Variants in KIF15 observed in about 807,000 individuals in gnomAD.
The protein encoded by KIF15 is kinesin-like protein KIF15.
A neutral mutation model predicts 190.6 loss-of-function variants in KIF15; 140 were observed. The ratio of observed to expected loss-of-function variants is 0.73; its 90% CI spans 0.64 to 0.84. The LOEUF (loss-of-function observed/expected upper bound fraction) is 0.84. Among genes scored for constraint, KIF15 ranks in the 40% least tolerant of loss-of-function variants. The pLI is 0.00. For missense variants in KIF15, 1,372 were observed against 1,584.4 expected (o/e 0.87, Z 2.28); for synonymous variants, 528 against 551.3 (o/e 0.96, Z 0.59).
chr3:44,843,863 A>G (rs766751085), intron 30 of KIF15, among the ~76,000 whole-genome samples: 5 of 152,254 alleles, frequency 3.3e-5, no homozygotes, highest in African/African-American at 4.8e-5. Context: ...AATAAAATGA[A>G]GAAAATGTTC....
intron 20 of KIF15, among the ~76,000 whole-genome samples, chr3:44,820,275 C>T (rs146190759): frequency 0.019 from 2,798 of 150,032 alleles, 74 homozygotes; most frequent in African/African-American, 0.063. Flanking sequence ...TGAATTTGAT[C>T]CTGTCATTAT....
chr3:44,829,418 T>C (rs186509219), intron 24 of KIF15, among the ~76,000 whole-genome samples: 1,413 of 140,406 alleles, frequency 0.01, 24 homozygotes, highest in African/African-American at 0.034. Flanking sequence ...ATATTACATA[T>C]GTATATATAA....
intron 21 of KIF15, 46 bp downstream of exon 21, chr3:44,826,235 T>C: frequency 6.4e-7 from 1 of 1,559,810 alleles, no homozygotes; most frequent in Non-Finnish European, 8.6e-7. Context: ...GACTGTCCTT[T>C]TGAGTGTAGG....
At chr3:44,762,483 C>T (rs559549660) in intron 1 of KIF15, among the ~76,000 whole-genome samples, 1 of 152,234 alleles carries the variant, frequency 6.6e-6, no homozygotes, top group African/African-American at 2.4e-5. Context: ...TATGATAAAC[C>T]CTACAGTTTT....
intron 19 of KIF15, among the ~76,000 whole-genome samples, chr3:44,813,870 G>A (rs776596174): frequency 9.9e-5 from 15 of 151,976 alleles, no homozygotes; most frequent in African/African-American, 2.9e-4. Context: ...CACCCACCTC[G>A]GCCTCCCAAA....
chr3:44,831,679 GT>G (rs1464574175), intron 26 of KIF15, among the ~76,000 whole-genome samples: 2 of 152,070 alleles, frequency 1.3e-5, no homozygotes, highest in African/African-American at 2.4e-5. Flanking sequence ...TTTTTTTGTT[GT>G]TGATGATGTG....
chr3:44,775,563 C>G, intron 3 of KIF15, 126 bp downstream of exon 3: 1 of 633,884 alleles, frequency 1.6e-6, no homozygotes, highest in East Asian at 2.8e-5. Flanking sequence ...TCAAGTGATT[C>G]TCCTGCCTCA....
At chr3:44,796,151 C>G (rs1243985479) in intron 8 of KIF15, among the ~76,000 whole-genome samples, 1 of 152,228 alleles carries the variant, frequency 6.6e-6, no homozygotes, top group East Asian at 1.9e-4. Context: ...GCGTTAGCCA[C>G]CACGCCCAGC....
rs973087676 is a variant in KIF15 at position 44,787,082 on chromosome 3, A to G, written c.639+508A>G. ...TATTATGAAGCATTTGACACATATG[A>G]AATATTGCCACAAGCATGTAAGTTA... On this transcript the variant is annotated intron_variant, in intron 7 of 34. Transcript: ENST00000326047. Among the ~76,000 whole-genome samples the G allele has an allele frequency of 2.0e-4, 31 of 152,334 alleles. No individual in the cohort carries two copies. The East Asian group carries it at 2.5e-3, about 12-fold the overall frequency.
intron 6 of KIF15, chr3:44,862,150 C>A: frequency 3.2e-5 from 3 of 93,416 alleles, no homozygotes; most frequent in Non-Finnish European, 6.0e-5. Flanking sequence ...GCTGCTGCTG[C>A]GGGCGGGCGG....
chr3:44,795,509 T>G (rs2125626422), intron 8 of KIF15, among the ~76,000 whole-genome samples: 1 of 152,270 alleles, frequency 6.6e-6, no homozygotes, highest in East Asian at 1.9e-4. Context: ...TTATAGAAAC[T>G]TAGTCATCTG....
At chr3:44,821,263 C>T (rs1708280809) in intron 20 of KIF15, among the ~76,000 whole-genome samples, 1 of 150,896 alleles carries the variant, frequency 6.6e-6, no homozygotes, top group Admixed American at 6.6e-5. Flanking sequence ...GGGCTGACCC[C>T]CCCACCTCCC....
In KIF15 at chr3:44,839,627, C is replaced by T. The variant is rs549699918; in HGVS notation, c.3319-728C>T. Among the ~76,000 whole-genome samples, 3 of 152,210 alleles carry T rather than the reference C, an allele frequency of 2.0e-5. No individual in the cohort carries two copies. In the East Asian group the frequency reaches 5.8e-4, roughly 29 times the overall value. On this transcript the variant is annotated intron_variant, in intron 27 of 34. Coordinates refer to ENST00000326047, the MANE Select transcript of KIF15 (RefSeq NM_020242.3). The stretch of plus-strand genomic sequence containing the variant: ...CAGTAGATCTCCAAAAGGTATTCCT[C>T]CTGTCCAACTGAAACTATACCCTTT...
Position 44,864,489 on chromosome 3 carries a change from C to T in KIF15, c.*60-8840C>T, listed in dbSNP as rs538597058. 1.1e-4 allele frequency: 102 copies of T among 894,040 alleles called. No individual in the cohort carries two copies. The African/African-American group carries it at 1.4e-3, about 12-fold the overall frequency. The allele number at this position is 894,040 out of a possible 1,614,324, so 55.4% of individuals were successfully genotyped here. A position where few individuals can be genotyped will look rare whatever the true frequency, so the allele number is the denominator to read the frequency against. ...GTGGCTTGACCCCTGGATGAGTGCT[C>T]TATTCATGGAGCAAATGTAATTCTA... On this transcript the variant is annotated intron_variant and NMD_transcript_variant, in intron 6 of 6. Transcript: ENST00000422209.
At chr3:44,765,394 A>G (rs1456718804) in intron 1 of KIF15, among the ~76,000 whole-genome samples, 1 of 152,186 alleles carries the variant, frequency 6.6e-6, no homozygotes, top group Admixed American at 6.5e-5. Flanking sequence ...TGGCTGGATC[A>G]ATTTAGTGAA....
intron 26 of KIF15, among the ~76,000 whole-genome samples, chr3:44,834,448 A>G (rs971561790): frequency 2.6e-5 from 4 of 152,252 alleles, no homozygotes; most frequent in Admixed American, 6.5e-5. Flanking sequence ...GTTATAAATT[A>G]GTCTTAAAAA....
chr3:44,816,377 T>C (rs1708030778), intron 20 of KIF15, among the ~76,000 whole-genome samples: 4 of 152,176 alleles, frequency 2.6e-5, no homozygotes, highest in Non-Finnish European at 5.9e-5. Context: ...TTCCTCCTAA[T>C]GCTATTCCTC....
rs1476102413 is a variant in KIF15, at chr3:44,800,387, T to C, written c.1172T>C (p.Leu391Pro). Residue 391 changes from leucine to proline, a missense_variant, in exon 11 of 35, where the codon CTG (leucine) becomes CCG (proline). Transcript: ENST00000326047. ...GAAGTGAAGAGGCTCAAAGAACAAC[T>C]GGCGGAGCTTGCTTCAGGACAGACA... ...QAEVKRLKEQ[L>P]AELASGQTPP... 1.2e-5 allele frequency: 20 copies of C among 1,614,180 alleles called. No individual in the cohort carries two copies. Among genetic ancestry groups the C allele is most frequent in the Non-Finnish European group, 1.7e-5 (20 of 1,180,030 alleles).
chr3:44,803,039 T>A (rs768952085), intron 14 of KIF15, 48 bp downstream of exon 14: 3 of 1,518,482 alleles, frequency 2.0e-6, no homozygotes, highest in Non-Finnish European at 2.6e-6. Flanking sequence ...AGGGGCTGTT[T>A]TAAAGAGCAT....
Sources: gnomAD v4.1 joint callset for allele counts (sites outside exome capture counted in the v4.1 genomes callset) on GRCh38, gnomAD v4.1.1 for gene constraint, MANE v1.5 for transcripts, NCBI Gene and HGNC (gene_info 2026-07-23, HGNC 2026-07-21) for gene names.